DNM3: variants seen among roughly 807,000 people sequenced by gnomAD.
The protein encoded by DNM3 is dynamin 3, also known as dynamin-3.
DNM3 carries 47 observed loss-of-function variants against 101.6 expected under a neutral mutation model. The ratio of observed to expected loss-of-function variants is 0.46; its 90% CI spans 0.37 to 0.59. The LOEUF (loss-of-function observed/expected upper bound fraction) is 0.59, where lower values mean the gene tolerates loss of function less well. Among genes scored for constraint, DNM3 ranks in the 20% least tolerant of loss-of-function variants. The pLI is 0.00. For synonymous variants in DNM3, 385 were observed against 387.9 expected (o/e 0.99, Z 0.09); for missense variants, 849 against 1,085.7 (o/e 0.78, Z 3.06).
At chr1:172,415,184 C>CT (rs1475562801), downstream of DNM3, 1 of 152,206 alleles carries the variant, frequency 6.6e-6, no homozygotes, top group Non-Finnish European at 1.5e-5. Flanking sequence ...GTATCTGACT[C>CT]TTAAGGAGGA....
chr1:172,380,866 T>A (rs2068855921), intron 18 of DNM3: 1 of 150,806 alleles, frequency 6.6e-6, no homozygotes, highest in Non-Finnish European at 1.5e-5. Flanking sequence ...GAGTCATTAG[T>A]GCTGCCATCA....
intron 11 of DNM3, among the ~76,000 whole-genome samples, chr1:172,077,133 T>C (rs1212826316): frequency 6.6e-6 from 1 of 152,192 alleles, no homozygotes; most frequent in East Asian, 1.9e-4. Context: ...CTGATGGCAG[T>C]TTGTATTTCT....
intron 14 of DNM3, among the ~76,000 whole-genome samples, chr1:172,150,985 G>C (rs1182865978): frequency 6.6e-6 from 1 of 152,128 alleles, no homozygotes; most frequent in Non-Finnish European, 1.5e-5. Context: ...ACAGATATAT[G>C]GATAGGTAGA....
At chr1:172,106,074 T>C (rs2054991313) in intron 13 of DNM3, among the ~76,000 whole-genome samples, 1 of 152,202 alleles carries the variant, frequency 6.6e-6, no homozygotes, top group Non-Finnish European at 1.5e-5. Flanking sequence ...TTTACTTTAG[T>C]GGGAATTTTT....
chr1:172,236,505 A>C (rs930806689), intron 14 of DNM3, among the ~76,000 whole-genome samples: 1 of 152,120 alleles, frequency 6.6e-6, no homozygotes. Flanking sequence ...GCGATTTATC[A>C]TTGTATATAA....
intron 16 of DNM3, among the ~76,000 whole-genome samples, chr1:172,318,850 C>G (rs2065539265): frequency 6.6e-6 from 1 of 152,182 alleles, no homozygotes; most frequent in Admixed American, 6.5e-5. Context: ...CCCCATCAAG[C>G]TACCAATGAC....
intron 17 of DNM3, among the ~76,000 whole-genome samples, chr1:172,328,836 T>C (rs1194409012): frequency 6.6e-6 from 1 of 152,116 alleles, no homozygotes; most frequent in Non-Finnish European, 1.5e-5. Flanking sequence ...AGTATGAGTT[T>C]ATTCATTTAT....
chr1:172,223,486 A>T (rs979095390), intron 14 of DNM3, among the ~76,000 whole-genome samples: 5 of 152,024 alleles, frequency 3.3e-5, no homozygotes, highest in Admixed American at 6.6e-5. Flanking sequence ...TGAGAGCATC[A>T]TATCCTCAAA....
At chr1:172,239,659 A>C (rs1004678063) in intron 14 of DNM3, among the ~76,000 whole-genome samples, 1 of 152,078 alleles carries the variant, frequency 6.6e-6, no homozygotes, top group African/African-American at 2.4e-5. Context: ...CCACCTGAGC[A>C]TGCAGTGAAC....
Position 171,945,022 on chromosome 1 carries a change from C to A in DNM3, c.235+23201C>A, listed in dbSNP as rs554903437. On this transcript the variant is annotated intron_variant, in intron 2 of 20. Transcript: ENST00000627582. ...GGAACCATGGGAACACATCACCATGCCTGACTGATTTTTTTTTAAAAATTA... is the reference window on the plus strand; with the variant it reads ...GGAACCATGGGAACACATCACCATGACTGACTGATTTTTTTTTAAAAATTA... Among the ~76,000 whole-genome samples the A allele has an allele frequency of 2.3e-4, 35 of 151,300 alleles. 1 individual carries two copies. In the South Asian group the frequency reaches 7.1e-3, roughly 31 times the overall value.
At chr1:172,365,637 C>A (rs1176439141) in intron 17 of DNM3, among the ~76,000 whole-genome samples, 1 of 151,770 alleles carries the variant, frequency 6.6e-6, no homozygotes, top group Admixed American at 6.6e-5. Context: ...TTTAAATTGT[C>A]ATTTAAAAAT....
chr1:172,171,522 T>C (rs1011816333), intron 14 of DNM3, among the ~76,000 whole-genome samples: 9 of 151,768 alleles, frequency 5.9e-5, no homozygotes, highest in African/African-American at 2.2e-4. Flanking sequence ...AGAAAATAGG[T>C]TAGCTGTGCA....
intron 20 of DNM3, among the ~76,000 whole-genome samples, chr1:172,396,587 T>C (rs2070022832): frequency 6.6e-6 from 1 of 152,206 alleles, no homozygotes; most frequent in Admixed American, 6.5e-5. Flanking sequence ...CCTCAGCTTC[T>C]ATGGTAATTT....
intron 17 of DNM3, among the ~76,000 whole-genome samples, chr1:172,340,130 T>C (rs1337280029): frequency 6.6e-6 from 1 of 152,130 alleles, no homozygotes; most frequent in Non-Finnish European, 1.5e-5. Context: ...AGGAGAGTCA[T>C]AGTATTTAAG....
At chr1:171,976,518 C>A (rs2044383291) in intron 2 of DNM3, among the ~76,000 whole-genome samples, 1 of 152,140 alleles carries the variant, frequency 6.6e-6, no homozygotes, top group Non-Finnish European at 1.5e-5. Flanking sequence ...ATAGGAAAGA[C>A]CCACCTCCAT....
At chr1:171,944,855 C>T (rs6657231) in intron 2 of DNM3, among the ~76,000 whole-genome samples, 86,004 of 87,386 alleles carry the variant, frequency 0.98, 42,483 homozygotes, top group South Asian at 0.99. Context: ...TTGGTGTTTC[C>T]TTTTTTTTTT....
At chr1:172,273,526 T>C (rs2148756951) in intron 15 of DNM3, among the ~76,000 whole-genome samples, 1 of 152,164 alleles carries the variant, frequency 6.6e-6, no homozygotes, top group Admixed American at 6.6e-5. Flanking sequence ...AAAATCACAA[T>C]GTATTGGATG....
chr1:172,411,879 A>T lies in DNM3; in HGVS notation c.*4038A>T. On this transcript the variant is annotated 3_prime_UTR_variant, in exon 21 of 21. Coordinates refer to ENST00000627582, the MANE Select transcript of DNM3 (RefSeq NM_015569.5). Reference sequence around the variant, plus strand: ...TCTAGATGATTTTGAAGAAATGATTATTCGTTCACCAGATCACTCATTGTA... The same window carrying T: ...TCTAGATGATTTTGAAGAAATGATTTTTCGTTCACCAGATCACTCATTGTA... 1.0e-6 allele frequency: 1 copy of T among 985,852 alleles called. No individual in the cohort carries two copies. Among genetic ancestry groups the T allele is most frequent in the Non-Finnish European group, 1.2e-6 (1 of 829,890 alleles). 61.1% of individuals were successfully genotyped at this position (985,852 alleles called of 1,614,324 possible).
At chr1:172,209,702 C>T (rs898522526) in intron 14 of DNM3, among the ~76,000 whole-genome samples, 2 of 152,032 alleles carry the variant, frequency 1.3e-5, no homozygotes, top group African/African-American at 2.4e-5. Flanking sequence ...GGCTTGTAAG[C>T]ACATATAACC....
Sources: allele counts gnomAD v4.1 joint callset (sites outside exome capture counted in the v4.1 genomes callset), GRCh38; gene constraint gnomAD v4.1.1; transcripts MANE v1.5; gene names NCBI Gene and HGNC (gene_info 2026-07-23, HGNC 2026-07-21).